The following ARMC10 variants were observed in gnomAD, a reference collection of about 807,000 sequenced individuals.
The protein encoded by ARMC10 is armadillo repeat containing 10.
ARMC10 carries 23 observed loss-of-function variants against 30.2 expected under a neutral mutation model. The ratio of observed to expected loss-of-function variants is 0.76; its 90% CI spans 0.55 to 1.08. The LOEUF is 1.08. ARMC10 is among the 50% of genes least tolerant of loss of function. The probability of loss-of-function intolerance (pLI) is 0.00; values close to 1 mark genes in which losing one functional copy is unlikely to be tolerated. For missense variants in ARMC10, 303 were observed against 413.7 expected (o/e 0.73, Z 2.32); for synonymous variants, 111 against 164.4 (o/e 0.68, Z 2.48).
intron 2 of ARMC10, among the ~76,000 whole-genome samples, chr7:103,080,311 G>A (rs535406501): frequency 6.6e-5 from 10 of 152,324 alleles, no homozygotes; most frequent in African/African-American, 2.4e-4. Context: ...CTGGAGTGCT[G>A]TGGTGCGATC....
At chr7:103,085,606 C>CTTCTTTTTTTTT (rs1563322299) in intron 3 of ARMC10, among the ~76,000 whole-genome samples, 2 of 130,582 alleles carry the variant, frequency 1.5e-5, no homozygotes. Context: ...CATTTCTCTT[C>CTTCTTTTTTTTT]TTTTTTTTTT....
At chr7:103,092,759 A>G in intron 5 of ARMC10, 106 bp downstream of exon 5, 2 of 763,102 alleles carry the variant, frequency 2.6e-6, no homozygotes, top group Admixed American at 3.5e-5. Context: ...AAAAACTCAC[A>G]TGGGCCCAAG....
At chr7:103,092,826 A>G (rs1004334708) in intron 5 of ARMC10, among the ~76,000 whole-genome samples, 173 bp downstream of exon 5, 1 of 152,184 alleles carries the variant, frequency 6.6e-6, no homozygotes, top group African/African-American at 2.4e-5. Flanking sequence ...TTTGAAAACC[A>G]TCTGTTGTTT....
At position 103,086,766 on chromosome 7, in the gene ARMC10, T is replaced by C. The variant is rs1800897027; in HGVS notation, c.528+2T>C. ...GTTGAAAATCAAATCAAGATAAAGG[T>C]AAGTTGACTGAAAATCACAAATGTA... is the stretch of plus-strand genomic sequence containing the variant. On this transcript the variant is annotated splice_donor_variant, in intron 4 of 6. Coordinates refer to ENST00000323716, the MANE Select transcript of ARMC10 (RefSeq NM_031905.5). LOFTEE classifies it high-confidence loss of function. 5 of 1,588,874 alleles carry C rather than the reference T, an allele frequency of 3.1e-6. No individual in the cohort carries two copies. The African/African-American group carries it at 4.1e-5, about 13-fold the overall frequency.
chr7:103,098,625 T>C lies in ARMC10; in HGVS notation c.*72T>C. ...TTTTCTGTCTTCCTTATAAGGGGATTCTCCCAGCTGCTAAATTTAAACAGT... is the reference window on the plus strand; with the variant it reads ...TTTTCTGTCTTCCTTATAAGGGGATCCTCCCAGCTGCTAAATTTAAACAGT... On this transcript the variant is annotated 3_prime_UTR_variant, in exon 7 of 7. Transcript: ENST00000323716. The C allele has an allele frequency of 6.7e-7, 1 of 1,494,382 alleles. No homozygotes were observed. The highest frequency in any genetic ancestry group is 8.9e-7 in the Non-Finnish European group (1 of 1,123,258). 92.6% of individuals were successfully genotyped at this position (1,494,382 alleles called of 1,614,324 possible).
intron 4 of ARMC10, chr7:103,089,197 T>A (rs1038222686): frequency 2.8e-5 from 7 of 252,486 alleles, no homozygotes; most frequent in African/African-American, 8.9e-5. Context: ...ACCAGAACAC[T>A]CTCCAGCTTT....
intron 2 of ARMC10, among the ~76,000 whole-genome samples, chr7:103,081,416 A>G (rs1289370118): frequency 1.3e-5 from 2 of 152,210 alleles, no homozygotes; most frequent in South Asian, 4.1e-4. Flanking sequence ...CTGTCACGCA[A>G]GCTGGAGTGC....
Position 103,083,991 on chromosome 7 carries a change from C to T in ARMC10, c.393+161C>T, listed in dbSNP as rs1187975530. 7 of 1,488,838 alleles carry T rather than the reference C, an allele frequency of 4.7e-6. No homozygotes were observed. The East Asian group carries it at 1.5e-4, about 32-fold the overall frequency. The allele number at this position is 1,488,838 out of a possible 1,614,324, so 92.2% of individuals were successfully genotyped here. ...ATAATGTTTGTTTACTTCTGAAAAA[C>T]ACAGCCTAATAGTGATATGATTATT... On this transcript the variant is annotated intron_variant, in intron 3 of 6. Transcript: ENST00000323716.
At chr7:103,076,740 C>A (rs1306846498) in intron 2 of ARMC10, among the ~76,000 whole-genome samples, 1 of 152,142 alleles carries the variant, frequency 6.6e-6, no homozygotes, top group East Asian at 1.9e-4. Context: ...GAGGCTGAGG[C>A]AGGAGAATCA....
intron 6 of ARMC10, 46 bp downstream of exon 6, chr7:103,097,394 T>C (rs1801845332): frequency 1.5e-6 from 2 of 1,314,226 alleles, no homozygotes; most frequent in Non-Finnish European, 2.2e-6. Flanking sequence ...CATATATACA[T>C]TTGAACAGAC....
chr7:103,097,731 C>A (rs185506801), intron 6 of ARMC10, among the ~76,000 whole-genome samples: 19 of 152,236 alleles, frequency 1.2e-4, no homozygotes, highest in East Asian at 1.2e-3. Context: ...GTGAGCACAG[C>A]GTGACATGGT....
chr7:103,097,625 A>G (rs1215015588), intron 6 of ARMC10, among the ~76,000 whole-genome samples: 1 of 152,176 alleles, frequency 6.6e-6, no homozygotes, highest in East Asian at 1.9e-4. Flanking sequence ...GTGCCATCCC[A>G]TATTTTATAC....
chr7:103,093,562 A>G (rs1801530422), intron 5 of ARMC10, among the ~76,000 whole-genome samples: 1 of 152,244 alleles, frequency 6.6e-6, no homozygotes, highest in Non-Finnish European at 1.5e-5. Flanking sequence ...TAAATGTAAG[A>G]GTAGTCTTCT....
chr7:103,092,906 A>G (rs945407540), intron 5 of ARMC10, among the ~76,000 whole-genome samples: 3 of 152,214 alleles, frequency 2.0e-5, no homozygotes, highest in African/African-American at 7.2e-5. Context: ...ATATAGGAAC[A>G]TTGTGATTAA....
chr7:103,083,292 C>T (rs939467773), intron 2 of ARMC10, among the ~76,000 whole-genome samples: 1 of 152,104 alleles, frequency 6.6e-6, no homozygotes, highest in African/African-American at 2.4e-5. Context: ...CTGTGCCTGC[C>T]ATACAAGTAT....
At chr7:103,092,279 G>A (rs1357666167) in intron 4 of ARMC10, among the ~76,000 whole-genome samples, 198 bp from the exon 5 acceptor site, 2 of 141,710 alleles carry the variant, frequency 1.4e-5, no homozygotes, top group East Asian at 2.1e-4. Flanking sequence ...CTTGCAGTAA[G>A]CTGAGATTGC....
chr7:103,080,683 A>G (rs1585729608), intron 2 of ARMC10, among the ~76,000 whole-genome samples: 1 of 149,246 alleles, frequency 6.7e-6, no homozygotes. Context: ...GCTGGAGTGC[A>G]GTGGTGGGAT....
At chr7:103,083,984 T>A in intron 3 of ARMC10, 154 bp downstream of exon 3, 1 of 1,484,944 alleles carries the variant, frequency 6.7e-7, no homozygotes, top group Non-Finnish European at 9.0e-7. Flanking sequence ...TGTTTACTTC[T>A]GAAAAACACA....
intron 2 of ARMC10, among the ~76,000 whole-genome samples, chr7:103,080,493 T>C (rs1410620262): frequency 6.6e-6 from 1 of 152,114 alleles, no homozygotes; most frequent in Non-Finnish European, 1.5e-5. Context: ...GACCTCAGCT[T>C]ATCTGCCTGC....
Sources: allele counts gnomAD v4.1 joint callset (sites outside exome capture counted in the v4.1 genomes callset), GRCh38; gene constraint gnomAD v4.1.1; transcripts MANE v1.5; gene names NCBI Gene and HGNC (gene_info 2026-07-23, HGNC 2026-07-21).